ZFAT: variants seen among roughly 807,000 people sequenced by gnomAD.
The protein encoded by ZFAT is zinc finger and AT-hook domain containing.
In ZFAT, 64 loss-of-function variants were observed where a neutral mutation model predicts 117.7. The ratio of observed to expected loss-of-function variants is 0.54; its 90% CI spans 0.44 to 0.67. The LOEUF (loss-of-function observed/expected upper bound fraction) is 0.67, where lower values mean the gene tolerates loss of function less well. Ranked by LOEUF, ZFAT falls within the 30% of genes least tolerant of loss-of-function variation. ZFAT has a pLI of 0.00. For synonymous variants in ZFAT, 679 were observed against 615.0 expected (o/e 1.10, Z -1.54); for missense variants, 1,433 against 1,584.5 (o/e 0.90, Z 1.62).
chr8:134,613,646 C>G (rs1318313296), intron 3 of ZFAT, among the ~76,000 whole-genome samples: 1 of 152,182 alleles, frequency 6.6e-6, no homozygotes, highest in Non-Finnish European at 1.5e-5. Context: ...TGCCACCTCC[C>G]ACTCCAGGAA....
intron 2 of ZFAT, among the ~76,000 whole-genome samples, chr8:134,646,213 A>G (rs1467673130): frequency 1.3e-5 from 2 of 152,234 alleles, no homozygotes; most frequent in Non-Finnish European, 2.9e-5. Flanking sequence ...CATCTCAAAG[A>G]AAAAAGAATG....
At chr8:134,697,870 C>T (rs1257299782) in intron 1 of ZFAT, among the ~76,000 whole-genome samples, 2 of 150,800 alleles carry the variant, frequency 1.3e-5, no homozygotes, top group South Asian at 4.2e-4. Flanking sequence ...CGTGAGCCAC[C>T]GCACCCAGCC....
At chr8:134,511,821 G>T (rs906132104) in intron 14 of ZFAT, among the ~76,000 whole-genome samples, 2 of 152,104 alleles carry the variant, frequency 1.3e-5, no homozygotes, top group Non-Finnish European at 2.9e-5. Context: ...TGAAAATCAT[G>T]ACATTTGATG....
intron 15 of ZFAT, among the ~76,000 whole-genome samples, chr8:134,481,208 G>A (rs954326341): frequency 7.2e-5 from 11 of 152,156 alleles, no homozygotes; most frequent in African/African-American, 1.9e-4. Context: ...GAGAGAACCT[G>A]ACAGAAGACT....
At chr8:134,710,098 C>A (rs1813933586) in intron 1 of ZFAT, among the ~76,000 whole-genome samples, 1 of 152,146 alleles carries the variant, frequency 6.6e-6, no homozygotes, top group South Asian at 2.1e-4. Flanking sequence ...GTCCAGGGTT[C>A]TTTTTTAAAA....
the ZFAT span, among the ~76,000 whole-genome samples, chr8:134,778,164 T>G: frequency 6.6e-6 from 1 of 152,212 alleles, no homozygotes; most frequent in African/African-American, 2.4e-5. Context: ...AAAAATTAAT[T>G]AAAACCACTT....
At chr8:134,604,040 G>C (rs1268920609) in intron 5 of ZFAT, among the ~76,000 whole-genome samples, 2 of 152,210 alleles carry the variant, frequency 1.3e-5, no homozygotes, top group African/African-American at 2.4e-5. Flanking sequence ...CACCACGTTA[G>C]ATTTTACGTA....
intron 15 of ZFAT, among the ~76,000 whole-genome samples, chr8:134,482,535 C>T (rs1162631962): frequency 2.0e-5 from 3 of 152,216 alleles, no homozygotes. Flanking sequence ...ATGCCTCTCT[C>T]ATTAGTCCTC....
intron 15 of ZFAT, among the ~76,000 whole-genome samples, chr8:134,509,185 G>A (rs186603125): frequency 1.5e-4 from 23 of 152,160 alleles, no homozygotes; most frequent in East Asian, 1.9e-4. Context: ...TGATCTGATC[G>A]GGTGGTTACT....
Position 134,710,868 on chromosome 8 carries a change from T to G in ZFAT, c.19+1977A>C, listed in dbSNP as rs1813966443. On this transcript the variant is annotated intron_variant, in intron 1 of 15. Transcript: ENST00000377838. ...ATCGCCATCATTCCCGACTCTGAAT[T>G]TCTATGCTACCAATAAGACAATCAC... is the stretch of plus-strand genomic sequence containing the variant. 2.0e-5 allele frequency among the ~76,000 whole-genome samples: 3 copies of G among 152,368 alleles called. No homozygotes were observed. The South Asian group carries it at 6.2e-4, about 32-fold the overall frequency.
chr8:134,590,625 C>A (rs1055053217), intron 7 of ZFAT, among the ~76,000 whole-genome samples: 1 of 151,182 alleles, frequency 6.6e-6, no homozygotes, highest in African/African-American at 2.4e-5. Flanking sequence ...TCATCACCAC[C>A]AGCACTATCA....
chr8:134,683,505 G>A (rs1347731474), intron 1 of ZFAT, among the ~76,000 whole-genome samples: 1 of 152,240 alleles, frequency 6.6e-6, no homozygotes, highest in African/African-American at 2.4e-5. Context: ...GTCAGAAAAG[G>A]GGAAGTTGAA....
At chr8:134,597,012 A>T (rs1171164891) in intron 7 of ZFAT, among the ~76,000 whole-genome samples, 1 of 151,804 alleles carries the variant, frequency 6.6e-6, no homozygotes, top group African/African-American at 2.4e-5. Context: ...AAAAAATTTG[A>T]TTTCACACTT....
intron 2 of ZFAT, among the ~76,000 whole-genome samples, chr8:134,640,315 T>C (rs1586871672): frequency 6.6e-6 from 1 of 152,166 alleles, no homozygotes; most frequent in Admixed American, 6.6e-5. Flanking sequence ...TTGTGGCTGG[T>C]ATCAGGAGTC....
At chr8:134,701,944 A>G (rs72609897) in intron 1 of ZFAT, among the ~76,000 whole-genome samples, 23,632 of 152,230 alleles carry the variant, frequency 0.16, 2,452 homozygotes, top group East Asian at 0.4. Flanking sequence ...TTGGACCATG[A>G]TGGCTCTGCT....
At chr8:134,746,230 C>T in the ZFAT span, among the ~76,000 whole-genome samples, 1 of 152,212 alleles carries the variant, frequency 6.6e-6, no homozygotes, top group Non-Finnish European at 1.5e-5. Flanking sequence ...CTCTCTAGGA[C>T]TAAATCTTGC....
intron 1 of ZFAT, among the ~76,000 whole-genome samples, chr8:134,707,836 A>C (rs1813842036): frequency 6.6e-6 from 1 of 152,222 alleles, no homozygotes; most frequent in Admixed American, 6.5e-5. Flanking sequence ...TCCATGTATT[A>C]CATGATTTAA....
chr8:134,575,917 G>A (rs1342074873), intron 10 of ZFAT, among the ~76,000 whole-genome samples: 1 of 152,310 alleles, frequency 6.6e-6, no homozygotes, highest in East Asian at 1.9e-4. Flanking sequence ...AGTTAAAGAA[G>A]TCTCTGTACT....
Position 134,565,019 on chromosome 8 carries a change from C to T in ZFAT, c.2976+314G>A, listed in dbSNP as rs1056961773. ...AATCCAGGATCTGAAAGCAAAAATA[C>T]GTGTCCCTAAAGCCTGCAAGCCTTC... is the stretch of plus-strand genomic sequence containing the variant. On this transcript the variant is annotated intron_variant, in intron 11 of 15. Transcript: ENST00000377838. The T allele has an allele frequency of 2.2e-5, 29 of 1,313,532 alleles. No homozygotes were observed. In the African/African-American group the frequency reaches 3.3e-4, roughly 15 times the overall value. 81.4% of individuals were successfully genotyped at this position (1,313,532 alleles called of 1,614,324 possible).
Sources: allele counts gnomAD v4.1 joint callset (sites outside exome capture counted in the v4.1 genomes callset), GRCh38; gene constraint gnomAD v4.1.1; transcripts MANE v1.5; gene names NCBI Gene and HGNC (gene_info 2026-07-23, HGNC 2026-07-21).